THADA: variants seen among roughly 807,000 people sequenced by gnomAD.
The protein encoded by THADA is tRNA (32-2'-O)-methyltransferase regulator THADA.
A neutral mutation model predicts 219.8 loss-of-function variants in THADA; 213 were observed. The ratio of observed to expected loss-of-function variants is 0.97; its 90% CI spans 0.87 to 1.09. The LOEUF (loss-of-function observed/expected upper bound fraction) is 1.09, where lower values mean the gene tolerates loss of function less well. THADA is among the 50% of genes least tolerant of loss of function. The pLI, the probability that THADA is intolerant of heterozygous loss-of-function variation, is 0.00. For synonymous variants in THADA, 1,018 were observed against 828.9 expected, an observed-to-expected ratio of 1.23 and a Z score of -3.92; for missense variants, 2,956 against 2,311.3, an observed-to-expected ratio of 1.28 and a Z score of -5.72.
chr2:43,532,735 T>C (rs1432709349), intron 21 of THADA, among the ~76,000 whole-genome samples: 2 of 152,160 alleles, frequency 1.3e-5, no homozygotes, highest in Non-Finnish European at 2.9e-5. Flanking sequence ...CAACATAGTA[T>C]TGGAAGTTTT....
chr2:43,523,513 T>C (rs1692760445), intron 22 of THADA, among the ~76,000 whole-genome samples: 2 of 152,370 alleles, frequency 1.3e-5, no homozygotes. Context: ...TGGTCTTTCA[T>C]TCTCCAGAAA....
At chr2:43,487,195 T>C (rs1171302461) in intron 25 of THADA, among the ~76,000 whole-genome samples, 1 of 152,188 alleles carries the variant, frequency 6.6e-6, no homozygotes, top group Non-Finnish European at 1.5e-5. Context: ...CTACCTGATC[T>C]AGTGAGGTAG....
intron 26 of THADA, among the ~76,000 whole-genome samples, chr2:43,455,657 GC>G (rs1236419425): frequency 6.6e-6 from 1 of 152,146 alleles, no homozygotes; most frequent in Non-Finnish European, 1.5e-5. Flanking sequence ...CACAAGAGAA[GC>G]CTATCCTGAA....
chr2:43,528,208 G>A (rs914367379), intron 21 of THADA, among the ~76,000 whole-genome samples: 3 of 135,248 alleles, frequency 2.2e-5, no homozygotes, highest in Non-Finnish European at 4.5e-5. Context: ...TCAGCTCACT[G>A]CAACCTCCAC....
chr2:43,431,295 T>C (rs1679237178), intron 26 of THADA, among the ~76,000 whole-genome samples: 1 of 152,048 alleles, frequency 6.6e-6, no homozygotes, highest in Admixed American at 6.6e-5. Flanking sequence ...ATACATACAC[T>C]CGTAATCCAC....
chr2:43,514,999 AATAT>A (rs1691183621), intron 22 of THADA, among the ~76,000 whole-genome samples: 1 of 47,456 alleles, frequency 2.1e-5, no homozygotes, highest in Non-Finnish European at 3.4e-5. Flanking sequence ...TATAATATAT[AATAT>A]TATATATATT....
intron 25 of THADA, among the ~76,000 whole-genome samples, chr2:43,491,283 GT>G (rs1404514430): frequency 6.6e-6 from 1 of 152,186 alleles, no homozygotes; most frequent in African/African-American, 2.4e-5. Flanking sequence ...CTTAATGTGA[GT>G]AATACATTAG....
chr2:43,576,337 A>C (rs1297852792), intron 10 of THADA, among the ~76,000 whole-genome samples: 1 of 152,238 alleles, frequency 6.6e-6, no homozygotes, highest in African/African-American at 2.4e-5. Flanking sequence ...TATGGCAAAA[A>C]CACCACAAAA....
rs1686319261 is a variant in THADA at position 43,482,284 on chromosome 2, A to G, written c.3836+2950T>C. ...CATCTAAAATAAGACTAATGGGTGC[A>G]AAAATTCAGTCATTACAGGTACCCT... On this transcript the variant is annotated intron_variant, in intron 26 of 37. Transcript: ENST00000405975. Among the ~76,000 whole-genome samples, 3 of 152,154 alleles carry G rather than the reference A, an allele frequency of 2.0e-5. No homozygotes were observed. In the South Asian group the frequency reaches 6.2e-4, roughly 32 times the overall value.
At chr2:43,593,494 G>A (rs1574411366) in intron 1 of THADA, among the ~76,000 whole-genome samples, 1 of 152,184 alleles carries the variant, frequency 6.6e-6, no homozygotes. Flanking sequence ...AGGACCTAGA[G>A]AGCACCTCCT....
At chr2:43,503,499 T>G (rs954432189) in intron 24 of THADA, among the ~76,000 whole-genome samples, 1 of 152,186 alleles carries the variant, frequency 6.6e-6, no homozygotes, top group Non-Finnish European at 1.5e-5. Flanking sequence ...TTGGGAATGA[T>G]AGTCACTAAT....
chr2:43,345,488 G>C (rs146104069), intron 29 of THADA, among the ~76,000 whole-genome samples: 1 of 152,212 alleles, frequency 6.6e-6, no homozygotes, highest in African/African-American at 2.4e-5. Context: ...AAAATGCTTT[G>C]TCTAATAATG....
rs1452833111 is a variant in THADA, at chr2:43,364,420, G to A, written c.4228-20183C>T. Reference sequence around the variant, plus strand: ...CTTTGTTGTCAGGTAATTCTTTGCTGTGGGAGTTGTCCTGCATGCTACAGG... The same window carrying A: ...CTTTGTTGTCAGGTAATTCTTTGCTATGGGAGTTGTCCTGCATGCTACAGG... On this transcript the variant is annotated intron_variant, in intron 29 of 37. Coordinates refer to ENST00000405975, the MANE Select transcript of THADA (RefSeq NM_022065.5). 2.0e-5 allele frequency among the ~76,000 whole-genome samples: 3 copies of A among 152,062 alleles called. No individual in the cohort carries two copies. In the South Asian group the frequency reaches 6.2e-4, roughly 32 times the overall value.
intron 36 of THADA, among the ~76,000 whole-genome samples, chr2:43,270,666 CAACTCTCTG>C (rs1454680222): frequency 6.6e-6 from 1 of 152,160 alleles, no homozygotes; most frequent in Admixed American, 6.5e-5. Flanking sequence ...CCCATTCCTT[CAACTCTCTG>C]AACTTCTGCA....
intron 34 of THADA, among the ~76,000 whole-genome samples, chr2:43,290,327 A>T (rs1654112809): frequency 6.7e-6 from 1 of 149,372 alleles, no homozygotes; most frequent in Non-Finnish European, 1.5e-5. Context: ...CTCCATTCCT[A>T]TACTCCCTCC....
intron 22 of THADA, among the ~76,000 whole-genome samples, chr2:43,520,154 T>A (rs560109103): frequency 1.1e-3 from 173 of 152,354 alleles, no homozygotes; most frequent in Middle Eastern, 3.4e-3. Flanking sequence ...GCCAACTCTA[T>A]GTAGTCACCA....
chr2:43,428,091 T>C lies in THADA; in HGVS notation c.4058+9A>G. ...CAACCTAGACAATTTCTACACAGCATGACACTACCTCATAATGAAGGGAAC... is the reference window on the plus strand; with the variant it reads ...CAACCTAGACAATTTCTACACAGCACGACACTACCTCATAATGAAGGGAAC... On this transcript the variant is annotated intron_variant, in intron 28 of 37. Coordinates refer to ENST00000405975, the MANE Select transcript of THADA (RefSeq NM_022065.5). 1 of 1,600,852 alleles carries C rather than the reference T, an allele frequency of 6.2e-7. No individual in the cohort carries two copies. The highest frequency in any genetic ancestry group is 8.5e-7 in the Non-Finnish European group (1 of 1,172,560).
At chr2:43,391,182 C>CT (rs1673337968) in intron 29 of THADA, among the ~76,000 whole-genome samples, 1 of 152,146 alleles carries the variant, frequency 6.6e-6, no homozygotes, top group Non-Finnish European at 1.5e-5. Flanking sequence ...CACACACACT[C>CT]TATCTCTCAC....
chr2:43,541,519 C>CT (rs999774676), intron 20 of THADA, among the ~76,000 whole-genome samples: 1 of 142,716 alleles, frequency 7.0e-6, no homozygotes, highest in Non-Finnish European at 1.5e-5. Context: ...TTTTTTTTTT[C>CT]TTTTTTGGAG....
Sources: allele counts gnomAD v4.1 joint callset (sites outside exome capture counted in the v4.1 genomes callset), GRCh38; gene constraint gnomAD v4.1.1; transcripts MANE v1.5; gene names NCBI Gene and HGNC (gene_info 2026-07-23, HGNC 2026-07-21).